Variants in NAALADL2 observed in about 807,000 individuals in gnomAD.
NAALADL2 encodes the protein inactive N-acetylated-alpha-linked acidic dipeptidase-like protein 2.
Under a neutral mutation model 87.2 loss-of-function variants are expected in NAALADL2, and 76 were observed. The observed-to-expected ratio is 0.87, with a 90% confidence interval of 0.72 to 1.05. The LOEUF is 1.05. Ranked by LOEUF, NAALADL2 falls within the 50% of genes least tolerant of loss-of-function variation. The pLI, the probability that NAALADL2 is intolerant of heterozygous loss-of-function variation, is 0.00. For synonymous variants in NAALADL2, 354 were observed against 331.0 expected (o/e 1.07, Z -0.75); for missense variants, 1,089 against 945.8 (o/e 1.15, Z -1.99).
At chr3:175,745,163 A>C (rs1745754410) in intron 12 of NAALADL2, among the ~76,000 whole-genome samples, 2 of 152,300 alleles carry the variant, frequency 1.3e-5, no homozygotes, top group East Asian at 1.9e-4. Context: ...ACCAGAAAGA[A>C]GGATAATTTA....
intron 10 of NAALADL2, among the ~76,000 whole-genome samples, chr3:175,589,616 T>C (rs1721071980): frequency 6.6e-6 from 1 of 152,034 alleles, no homozygotes; most frequent in South Asian, 2.1e-4. Context: ...TGCATCATAA[T>C]TGATATAACT....
intron 10 of NAALADL2, among the ~76,000 whole-genome samples, chr3:175,601,068 C>T (rs995462967): frequency 2.0e-5 from 3 of 151,788 alleles, no homozygotes; most frequent in Non-Finnish European, 4.4e-5. Context: ...GGTTTTTTTC[C>T]GCTTAGAAAA....
chr3:175,269,359 T>C (rs1007091773), intron 4 of NAALADL2, among the ~76,000 whole-genome samples: 1 of 152,190 alleles, frequency 6.6e-6, no homozygotes, highest in Non-Finnish European at 1.5e-5. Context: ...CATAATTGCA[T>C]GTGCTATACT....
chr3:175,284,679 G>A (rs1012656387), intron 4 of NAALADL2, among the ~76,000 whole-genome samples: 3 of 152,072 alleles, frequency 2.0e-5, no homozygotes, highest in Non-Finnish European at 4.4e-5. Context: ...TTTCTTAACA[G>A]ATAGGAAAAG....
intron 1 of NAALADL2, chr3:174,441,039 G>A (rs1057358076): frequency 6.6e-6 from 1 of 152,094 alleles, no homozygotes; most frequent in African/African-American, 2.4e-5. Flanking sequence ...TCAGGTAATC[G>A]GAGTCCTTTT....
At chr3:175,355,022 ATGTGTGTGTGTGTGTG>A (rs3067322) in intron 5 of NAALADL2, among the ~76,000 whole-genome samples, 1 of 139,436 alleles carries the variant, frequency 7.2e-6, no homozygotes, top group Admixed American at 7.2e-5. Context: ...CTATATATAT[ATGTGTGTGTGTGTGTG>A]TGTGTGTGTG....
intron 2 of NAALADL2, among the ~76,000 whole-genome samples, chr3:174,633,726 A>G (rs555312016): frequency 6.6e-5 from 10 of 152,296 alleles, no homozygotes; most frequent in Admixed American, 5.2e-4. Context: ...TGGAGTTGCT[A>G]GATTTGATGT....
rs550865494 is a variant in NAALADL2 at position 175,274,594 on chromosome 3, A to C, written c.939+18064A>C. 2.6e-5 allele frequency among the ~76,000 whole-genome samples: 4 copies of C among 152,286 alleles called. No individual in the cohort carries two copies. In the South Asian group the frequency reaches 8.3e-4, roughly 32 times the overall value. ...TCAGAATTAACCAGTGAGAAAAGGGAACCTAGTGCTCAATGGCTTGGGCTC... is the reference window on the plus strand; with the variant it reads ...TCAGAATTAACCAGTGAGAAAAGGGCACCTAGTGCTCAATGGCTTGGGCTC... On this transcript the variant is annotated intron_variant, in intron 4 of 13. Coordinates refer to ENST00000454872, the MANE Select transcript of NAALADL2 (RefSeq NM_207015.3).
chr3:175,764,742 A>G (rs1431551968), intron 13 of NAALADL2, among the ~76,000 whole-genome samples: 4 of 152,174 alleles, frequency 2.6e-5, no homozygotes, highest in Non-Finnish European at 5.9e-5. Context: ...AACTATTAAA[A>G]AGCCACATTT....
intron 7 of NAALADL2, among the ~76,000 whole-genome samples, chr3:175,463,702 G>A (rs1250680973): frequency 4.8e-5 from 1 of 20,910 alleles, no homozygotes; most frequent in East Asian, 1.2e-3. Flanking sequence ...TTAGTCGGGG[G>A]AGAGAGAGAG....
intron 5 of NAALADL2, among the ~76,000 whole-genome samples, chr3:175,384,648 T>C (rs910152547): frequency 1.3e-5 from 2 of 151,944 alleles, no homozygotes; most frequent in Non-Finnish European, 2.9e-5. Context: ...TTATAATTTC[T>C]CTTAAATTTG....
chr3:174,483,762 A>G (rs1717700395), intron 1 of NAALADL2, among the ~76,000 whole-genome samples: 1 of 152,048 alleles, frequency 6.6e-6, no homozygotes, highest in African/African-American at 2.4e-5. Flanking sequence ...TGAATGAAGC[A>G]AAAGGCTCTG....
chr3:175,524,804 C>T (rs1195544426), intron 9 of NAALADL2, among the ~76,000 whole-genome samples: 1 of 152,120 alleles, frequency 6.6e-6, no homozygotes, highest in Non-Finnish European at 1.5e-5. Context: ...ACAAGTGAGA[C>T]ATCTTGTTAG....
chr3:175,117,790 CAT>C (rs1725497914), intron 2 of NAALADL2, among the ~76,000 whole-genome samples: 1 of 152,060 alleles, frequency 6.6e-6, no homozygotes, highest in Non-Finnish European at 1.5e-5. Flanking sequence ...GATTATAAAT[CAT>C]GCTGCTATAA....
chr3:175,295,311 G>T (rs1347926928), intron 4 of NAALADL2, among the ~76,000 whole-genome samples: 1 of 152,096 alleles, frequency 6.6e-6, no homozygotes, highest in African/African-American at 2.4e-5. Flanking sequence ...CCCACTGAGT[G>T]CTGGACAGAC....
At position 175,298,425 on chromosome 3, in the gene NAALADL2, C is replaced by T. The variant is rs993374546; in HGVS notation, c.940-25750C>T. ...CACTTTTCAGGAATCTGATAAAAAT[C>T]AACAGACTTCTAAAAAGTAATAATA... On this transcript the variant is annotated intron_variant, in intron 4 of 13. Coordinates refer to ENST00000454872, the MANE Select transcript of NAALADL2 (RefSeq NM_207015.3). 2.0e-5 allele frequency among the ~76,000 whole-genome samples: 3 copies of T among 152,092 alleles called. No homozygotes were observed. The East Asian group carries it at 5.8e-4, about 29-fold the overall frequency.
intron 1 of NAALADL2, among the ~76,000 whole-genome samples, chr3:175,067,699 TA>T (rs57990233): frequency 0.097 from 14,689 of 152,056 alleles, 1,591 homozygotes; most frequent in African/African-American, 0.27. Context: ...CTCAAAGAAC[TA>T]AAAGCAGAAC....
intron 9 of NAALADL2, among the ~76,000 whole-genome samples, chr3:175,499,826 A>G (rs975129453): frequency 6.6e-6 from 1 of 152,038 alleles, no homozygotes; most frequent in Non-Finnish European, 1.5e-5. Context: ...TTCTACTTGT[A>G]GGAAGCCTGC....
chr3:175,672,457 T>C (rs569719253), intron 11 of NAALADL2, among the ~76,000 whole-genome samples: 1 of 152,308 alleles, frequency 6.6e-6, no homozygotes, highest in African/African-American at 2.4e-5. Flanking sequence ...TCAAGACTGC[T>C]TATACTTGGC....
Sources: gnomAD v4.1 joint callset for allele counts (sites outside exome capture counted in the v4.1 genomes callset) on GRCh38, gnomAD v4.1.1 for gene constraint, MANE v1.5 for transcripts, NCBI Gene and HGNC (gene_info 2026-07-23, HGNC 2026-07-21) for gene names.